The following SUGCT variants were observed in gnomAD, a reference collection of about 807,000 sequenced individuals.
SUGCT encodes succinyl-CoA:glutarate CoA-transferase.
Under a neutral mutation model 55.0 loss-of-function variants are expected in SUGCT, and 41 were observed. The observed-to-expected ratio is 0.74, with a 90% confidence interval of 0.58 to 0.97. The LOEUF (loss-of-function observed/expected upper bound fraction) is 0.97. Ranked by LOEUF, SUGCT falls within the 50% of genes least tolerant of loss-of-function variation. The pLI is 0.00. For synonymous variants in SUGCT, 187 were observed against 200.4 expected, an observed-to-expected ratio of 0.93 and a Z score of 0.56; for missense variants, 568 against 547.8, an observed-to-expected ratio of 1.04 and a Z score of -0.37.
chr7:40,710,783 T>A (rs979105067), intron 12 of SUGCT, among the ~76,000 whole-genome samples: 1 of 152,190 alleles, frequency 6.6e-6, no homozygotes, highest in Non-Finnish European at 1.5e-5. Context: ...GTTTTATTAT[T>A]GGTTAATTTA....
chr7:40,816,207 C>G (rs1333299924), intron 13 of SUGCT, among the ~76,000 whole-genome samples: 1 of 152,248 alleles, frequency 6.6e-6, no homozygotes, highest in Non-Finnish European at 1.5e-5. Context: ...GCAAGTCTTG[C>G]TCCAGCCTCT....
intron 6 of SUGCT, among the ~76,000 whole-genome samples, chr7:40,201,689 G>A (rs906665749): frequency 6.6e-6 from 1 of 152,200 alleles, no homozygotes; most frequent in Non-Finnish European, 1.5e-5. Context: ...ACAGCCCTTG[G>A]AGCTAAGGAC....
intron 9 of SUGCT, among the ~76,000 whole-genome samples, chr7:40,343,282 A>G (rs76785939): frequency 0.027 from 4,163 of 152,310 alleles, 77 homozygotes; most frequent in Non-Finnish European, 0.043. Flanking sequence ...TTACTTATAT[A>G]ATGTTAATGC....
the SUGCT span, among the ~76,000 whole-genome samples, chr7:41,008,195 G>T: frequency 6.6e-6 from 1 of 152,202 alleles, no homozygotes; most frequent in Non-Finnish European, 1.5e-5. Context: ...GGAGGGAGGC[G>T]CCCCTGGGCA....
chr7:40,341,336 A>C (rs1797030953), intron 9 of SUGCT, among the ~76,000 whole-genome samples: 1 of 152,208 alleles, frequency 6.6e-6, no homozygotes, highest in Non-Finnish European at 1.5e-5. Context: ...TCAAGGAGTC[A>C]AAAAGTTTCA....
chr7:40,830,366 T>A (rs1300565522), intron 13 of SUGCT, among the ~76,000 whole-genome samples: 1 of 152,172 alleles, frequency 6.6e-6, no homozygotes, highest in Non-Finnish European at 1.5e-5. Flanking sequence ...CCCTCCCCTG[T>A]CCATGCCCCG....
intron 6 of SUGCT, among the ~76,000 whole-genome samples, chr7:40,197,131 G>C (rs973590377): frequency 2.0e-5 from 3 of 152,016 alleles, no homozygotes; most frequent in Non-Finnish European, 2.9e-5. Flanking sequence ...CACTGTGCCC[G>C]GCCCTGATGA....
At chr7:40,342,920 G>A (rs1325004183) in intron 9 of SUGCT, among the ~76,000 whole-genome samples, 2 of 152,232 alleles carry the variant, frequency 1.3e-5, no homozygotes, top group Non-Finnish European at 2.9e-5. Context: ...TGGGATTACA[G>A]GCATGGGCCA....
chr7:40,218,188 G>C (rs976214566), intron 6 of SUGCT, among the ~76,000 whole-genome samples: 5 of 152,184 alleles, frequency 3.3e-5, no homozygotes, highest in Non-Finnish European at 7.3e-5. Context: ...GCTCCAGCCT[G>C]GGTGACAGAG....
intron 12 of SUGCT, among the ~76,000 whole-genome samples, chr7:40,522,161 C>A (rs1043311260): frequency 3.9e-5 from 6 of 152,102 alleles, no homozygotes; most frequent in Non-Finnish European, 8.8e-5. Context: ...CAATAGTCAT[C>A]ACCCTAGTAA....
chr7:40,940,711 G>T, the SUGCT span, among the ~76,000 whole-genome samples: 2 of 151,930 alleles, frequency 1.3e-5, no homozygotes, highest in African/African-American at 4.8e-5. Flanking sequence ...CCATGCTACT[G>T]GTTTGTATAC....
intron 12 of SUGCT, among the ~76,000 whole-genome samples, chr7:40,560,781 A>T (rs539448853): frequency 1.3e-5 from 2 of 152,336 alleles, no homozygotes; most frequent in South Asian, 4.1e-4. Flanking sequence ...TAGAACTAAG[A>T]AGACTAGGAA....
intron 12 of SUGCT, among the ~76,000 whole-genome samples, chr7:40,620,439 T>G (rs1023537467): frequency 6.6e-6 from 1 of 152,190 alleles, no homozygotes; most frequent in Non-Finnish European, 1.5e-5. Context: ...AGTCTCGTTC[T>G]GTTGCCTAGG....
chr7:40,380,871 T>G (rs563247259), intron 9 of SUGCT, among the ~76,000 whole-genome samples: 119 of 152,302 alleles, frequency 7.8e-4, no homozygotes, highest in African/African-American at 2.9e-3. Flanking sequence ...TATTTCCTGT[T>G]TACTGTCTTT....
chr7:40,946,988 G>A, the SUGCT span, among the ~76,000 whole-genome samples: 3 of 152,090 alleles, frequency 2.0e-5, no homozygotes, highest in Non-Finnish European at 4.4e-5. Context: ...TTTTGGATGT[G>A]TAGATTAATA....
chr7:40,976,153 C>T, the SUGCT span, among the ~76,000 whole-genome samples: 1 of 152,286 alleles, frequency 6.6e-6, no homozygotes, highest in South Asian at 2.1e-4. Flanking sequence ...TCGTTGTGAA[C>T]AAGGGAGCCA....
chr7:40,915,863 G>A, the SUGCT span, among the ~76,000 whole-genome samples: 4 of 152,170 alleles, frequency 2.6e-5, no homozygotes, highest in East Asian at 3.9e-4. Flanking sequence ...GTTTCCCATC[G>A]CACCCTGTTT....
the SUGCT span, among the ~76,000 whole-genome samples, chr7:40,938,164 C>T: frequency 6.6e-6 from 1 of 152,108 alleles, no homozygotes; most frequent in Non-Finnish European, 1.5e-5. Context: ...CTGTTGTAGA[C>T]AACATATTTT....
chr7:40,191,489 A>T (rs1785906007), intron 5 of SUGCT, among the ~76,000 whole-genome samples: 1 of 152,202 alleles, frequency 6.6e-6, no homozygotes, highest in Non-Finnish European at 1.5e-5. Flanking sequence ...TTCGTTAACT[A>T]GATATATTTT....
Sources: allele counts gnomAD v4.1 joint callset (sites outside exome capture counted in the v4.1 genomes callset), GRCh38; gene constraint gnomAD v4.1.1; transcripts MANE v1.5; gene names NCBI Gene and HGNC (gene_info 2026-07-23, HGNC 2026-07-21).